Variants in RPS17 observed in about 807,000 individuals in gnomAD.
RPS17 encodes small ribosomal subunit protein eS17.
For synonymous variants in RPS17, 75 were observed against 65.6 expected (o/e 1.14, Z -0.70); for missense variants, 68 against 182.3 (o/e 0.37, Z 3.61).
At chr15:82,538,834 T>C in intron 3 of RPS17, 46 bp downstream of exon 3, 1 of 1,593,078 alleles carries the variant, frequency 6.3e-7, no homozygotes. Context: ...CCCATAGCTT[T>C]ATCATTTGAG....
chr15:82,539,225 A>ACCCCCCCCCCCC, intron 2 of RPS17: 1 of 590,990 alleles, frequency 1.7e-6, no homozygotes, highest in Non-Finnish European at 3.1e-6. Context: ...CCCACCCCCA[A>ACCCCCCCCCCCC]CTCGCCCCGC....
chr15:82,539,203 A>T, intron 2 of RPS17: 2 of 676,724 alleles, frequency 3.0e-6, no homozygotes, highest in Non-Finnish European at 5.4e-6. Context: ...CTCCTTCATG[A>T]TGATCAAGCG....
chr15:82,539,412 G>C lies in RPS17; in HGVS notation c.156-427C>G. 6.5e-6 allele frequency: 3 copies of C among 461,254 alleles called. No individual in the cohort carries two copies. The Admixed American group carries it at 7.0e-5, about 11-fold the overall frequency. 28.6% of individuals were successfully genotyped at this position (461,254 alleles called of 1,614,324 possible). A position where few individuals can be genotyped will look rare whatever the true frequency, so the allele number is the denominator to read the frequency against. ...GCATTAGAAGTTGACATCCAGCCGG[G>C]CGAGGTGGCTCACGCCTGTAATCCC... On this transcript the variant is annotated intron_variant, in intron 2 of 4. Coordinates refer to ENST00000647841, the MANE Select transcript of RPS17 (RefSeq NM_001021.6).
At chr15:82,539,032 C>T (rs1469340684) in intron 2 of RPS17, 47 bp from the exon 3 acceptor site, 3 of 1,574,034 alleles carry the variant, frequency 1.9e-6, no homozygotes, top group Admixed American at 1.7e-5. Flanking sequence ...GACAAATCAA[C>T]TCCCACCTGG....
chr15:82,539,133 A>G lies in RPS17; in HGVS notation c.156-148T>C, dbSNP rs1664963058. 3.7e-6 allele frequency: 3 copies of G among 817,746 alleles called. No individual in the cohort carries two copies. The East Asian group carries it at 7.4e-5, about 20-fold the overall frequency. 50.7% of individuals were successfully genotyped at this position (817,746 alleles called of 1,614,324 possible). ...CTCACTATCCTGGGACCTCCTACAC[A>G]TAGAACCTCCACTGGCCTGAGCATT... On this transcript the variant is annotated intron_variant, in intron 2 of 4. Transcript: ENST00000647841.
At chr15:82,539,306 ATT>A (rs2034299218) in intron 2 of RPS17, 3 of 525,692 alleles carry the variant, frequency 5.7e-6, no homozygotes, top group Non-Finnish European at 7.3e-6. Context: ...TAACTTGGCA[ATT>A]AATACGTTGA....
intron 4 of RPS17, 107 bp from the exon 5 acceptor site, chr15:82,536,988 G>C: frequency 7.5e-7 from 1 of 1,327,884 alleles, no homozygotes; most frequent in Non-Finnish European, 1.1e-6. Context: ...AGGGGGTCCA[G>C]AGGCGACCTG....
rs2034326187 is a variant in RPS17 at position 82,540,271 on chromosome 15, C to T, written c.4-139G>A. On this transcript the variant is annotated intron_variant, in intron 1 of 4. Transcript: ENST00000647841. ...GGGCCCGGCTAAACAGTGCCGGGCG[C>T]CGGGCTTAATGCGGAAGCCGCCGGC... The T allele has an allele frequency of 1.9e-5, 31 of 1,600,436 alleles. No individual in the cohort carries two copies. In the South Asian group the frequency reaches 3.1e-4, roughly 16 times the overall value.
intron 4 of RPS17, chr15:82,537,810 T>A: frequency 2.2e-6 from 1 of 451,984 alleles, no homozygotes; most frequent in Non-Finnish European, 4.4e-6. Context: ...CAACCGCCCA[T>A]GAAGCCCATG....
At position 82,536,932 on chromosome 15, in the gene RPS17, T is replaced by A; in HGVS notation, c.328-51A>T. 1.9e-6 allele frequency: 3 copies of A among 1,607,818 alleles called. No individual in the cohort carries two copies. The East Asian group carries it at 6.7e-5, about 36-fold the overall frequency. ...AGCAGTTACTGGTGAGATCTGTGAG[T>A]GGACCCCAGAAGAAAACACAGGCCC... is the stretch of plus-strand genomic sequence containing the variant. On this transcript the variant is annotated intron_variant, in intron 4 of 4. Transcript: ENST00000647841.
In RPS17 at chr15:82,540,431, T is replaced by C; in HGVS notation, c.-3A>G. On this transcript the variant is annotated 5_prime_UTR_variant, in exon 1 of 5. Transcript: ENST00000647841. ...CCTCGAGCCAAAACACCTACCATGT[T>C]GGCGGGTCCTTGGTAAAAGAGGAAA... is the stretch of plus-strand genomic sequence containing the variant. 2.5e-6 allele frequency: 4 copies of C among 1,595,496 alleles called. No homozygotes were observed. Among genetic ancestry groups the C allele is most frequent in the East Asian group, 2.3e-5 (1 of 44,278 alleles).
chr15:82,537,753 C>T (rs2034265937), intron 4 of RPS17: 4 of 422,052 alleles, frequency 9.5e-6, no homozygotes, highest in African/African-American at 2.1e-5. Context: ...GTGTCTTAAA[C>T]ATTTAATGAC....
chr15:82,540,021 C>A lies in RPS17; in HGVS notation c.115G>T (p.Ala39Ser), dbSNP rs2034318300. ...CGGAGCTTTTTGCTGGGGATAATGG[C>A]GATCTCCTCGCACACGCGCTTGTTC... is the stretch of plus-strand genomic sequence containing the variant. ...HTNKRVCEEI[A>S]IIPSKKLRNK... Residue 39 changes from alanine (A) to serine (S), a missense_variant, in exon 2 of 5, where the codon GCC becomes TCC. Ala to Ser is a moderately conservative substitution (Grantham distance 99). Transcript: ENST00000647841. The A allele has an allele frequency of 9.3e-6, 15 of 1,612,278 alleles. No homozygotes were observed. Among genetic ancestry groups the A allele is most frequent in the Non-Finnish European group, 1.3e-5 (15 of 1,179,872 alleles).
At chr15:82,537,309 C>G (rs1192225288) in intron 4 of RPS17, 4 of 293,508 alleles carry the variant, frequency 1.4e-5, no homozygotes, top group Non-Finnish European at 2.6e-5. Flanking sequence ...TATCCCCTGG[C>G]TATGAGAACG....
At position 82,540,140 on chromosome 15, in the gene RPS17, T is replaced by G. The variant is rs1445256904; in HGVS notation, c.4-8A>C. 8 of 1,613,364 alleles carry G rather than the reference T, an allele frequency of 5.0e-6. No individual in the cohort carries two copies. Among genetic ancestry groups the G allele is most frequent in the Non-Finnish European group, 6.8e-6 (8 of 1,179,808 alleles). On this transcript the variant is annotated splice_region_variant and splice_polypyrimidine_tract_variant and intron_variant, in intron 1 of 4. Coordinates refer to ENST00000647841, the MANE Select transcript of RPS17 (RefSeq NM_001021.6). ...TTTGGTGCGAACGCGGCCCTGCGGGTGGAGAGGACAGGATCACTCACGAGC... is the reference window on the plus strand; with the variant it reads ...TTTGGTGCGAACGCGGCCCTGCGGGGGGAGAGGACAGGATCACTCACGAGC...
At chr15:82,540,260 A>G in intron 1 of RPS17, 128 bp from the exon 2 acceptor site, 1 of 1,602,984 alleles carries the variant, frequency 6.2e-7, no homozygotes, top group Non-Finnish European at 8.5e-7. Flanking sequence ...CCGGCTAAAC[A>G]GTGCCGGGCG....
intron 4 of RPS17, chr15:82,537,981 T>C (rs1396734368): frequency 4.2e-6 from 2 of 473,080 alleles, no homozygotes; most frequent in East Asian, 1.2e-4. Context: ...AAGGAATGCC[T>C]TCACAGAAGA....
intron 3 of RPS17, 103 bp downstream of exon 3, chr15:82,538,777 G>A (rs1302721640): frequency 4.1e-6 from 5 of 1,222,542 alleles, no homozygotes; most frequent in East Asian, 2.3e-5. Flanking sequence ...TGGAATGTAT[G>A]GATTAAAGGT....
chr15:82,539,693 A>G (rs2034309337), intron 2 of RPS17: 1 of 540,816 alleles, frequency 1.8e-6, no homozygotes, highest in Non-Finnish European at 3.3e-6. Flanking sequence ...CGTCTCAAAA[A>G]AAAAAGAAAA....
Sources: allele counts gnomAD v4.1 joint callset, GRCh38; gene constraint gnomAD v4.1.1; transcripts MANE v1.5; gene names NCBI Gene and HGNC (gene_info 2026-07-23, HGNC 2026-07-21).